Variants in IFT56 observed in about 807,000 individuals in gnomAD.
IFT56 encodes the protein intraflagellar transport 56.
the IFT56 span, among the ~76,000 whole-genome samples, chr7:139,141,937 G>T: frequency 1.3e-5 from 2 of 152,210 alleles, no homozygotes; most frequent in African/African-American, 4.8e-5. Flanking sequence ...CCACTGTTTG[G>T]TTTGGTATAT....
the IFT56 span, among the ~76,000 whole-genome samples, chr7:139,163,356 G>GA: frequency 1.4e-4 from 21 of 148,508 alleles, no homozygotes; most frequent in African/African-American, 5.2e-4. Flanking sequence ...AAAAAAAAAA[G>GA]AAAAAAAAGA....
At chr7:139,186,155 C>T in the IFT56 span, among the ~76,000 whole-genome samples, 3 of 150,596 alleles carry the variant, frequency 2.0e-5, no homozygotes, top group East Asian at 1.9e-4. Context: ...TGGCCAGGCG[C>T]GGTGGCTCAA....
chr7:139,172,845 ACTTC>A, the IFT56 span: 1 of 676,480 alleles, frequency 1.5e-6, no homozygotes, highest in Non-Finnish European at 2.8e-6. Flanking sequence ...CGAACACTGT[ACTTC>A]CTTCCTTGCT....
At chr7:139,134,626 C>A in the IFT56 span, 2 of 1,583,766 alleles carry the variant, frequency 1.3e-6, no homozygotes, top group Non-Finnish European at 1.7e-6. Flanking sequence ...CAGAATTGGA[C>A]CATACAGCTG....
At chr7:139,174,061 C>T in the IFT56 span, 2 of 608,068 alleles carry the variant, frequency 3.3e-6, no homozygotes, top group Admixed American at 3.8e-5. Context: ...AGGCAACCTG[C>T]AGCACTTCTT....
the IFT56 span, chr7:139,191,177 C>T: frequency 2.0e-4 from 30 of 152,172 alleles, no homozygotes; most frequent in Non-Finnish European, 7.3e-5. Context: ...GTTCAGAGCA[C>T]AAATCAAAAT....
the IFT56 span, chr7:139,161,286 A>G: frequency 5.2e-6 from 2 of 386,572 alleles, no homozygotes; most frequent in Admixed American, 8.8e-5. Context: ...TTTGAGAAAG[A>G]CAAAGGAACG....
chr7:139,187,552 G>A, the IFT56 span: 2 of 1,613,666 alleles, frequency 1.2e-6, no homozygotes, highest in Non-Finnish European at 1.7e-6. Context: ...AAGTAAACAG[G>A]CAAGAAATAC....
chr7:139,135,301 A>AAAAC, the IFT56 span, among the ~76,000 whole-genome samples: 1 of 141,600 alleles, frequency 7.1e-6, no homozygotes, highest in African/African-American at 2.9e-5. Flanking sequence ...AAAAAAAACA[A>AAAAC]AACAAAACTT....
At chr7:139,137,939 G>C in the IFT56 span, 1 of 1,604,946 alleles carries the variant, frequency 6.2e-7, no homozygotes. Flanking sequence ...GAGCTCTGGA[G>C]GTTAGTGTAA....
the IFT56 span, chr7:139,134,748 C>A: frequency 2.5e-6 from 4 of 1,613,888 alleles, no homozygotes; most frequent in South Asian, 4.4e-5. Flanking sequence ...ACTAGAGGAG[C>A]TACTTTCAAA....
the IFT56 span, chr7:139,189,288 GA>G: frequency 6.8e-7 from 1 of 1,462,446 alleles, no homozygotes; most frequent in East Asian, 2.3e-5. Context: ...ATTCTTCATT[GA>G]AACACTTTGT....
the IFT56 span, chr7:139,134,652 C>A: frequency 6.2e-7 from 1 of 1,602,610 alleles, no homozygotes; most frequent in Admixed American, 1.8e-5. Flanking sequence ...GTTTCTTTTA[C>A]AGATGCTTTC....
chr7:139,133,934 T>C, the IFT56 span: 1 of 1,579,098 alleles, frequency 6.3e-7, no homozygotes, highest in Middle Eastern at 1.7e-4. Flanking sequence ...CCCAGCACAC[T>C]TCTGTGTGAA....
At chr7:139,143,872 CAT>C in the IFT56 span, among the ~76,000 whole-genome samples, 1 of 151,986 alleles carries the variant, frequency 6.6e-6, no homozygotes, top group African/African-American at 2.4e-5. Flanking sequence ...GTTACCATAT[CAT>C]GTGTATTTTG....
chr7:139,155,084 T>C, the IFT56 span, among the ~76,000 whole-genome samples: 34 of 152,180 alleles, frequency 2.2e-4, no homozygotes, highest in African/African-American at 6.5e-4. Context: ...TTTGATGCTA[T>C]TGTAAATTAA....
the IFT56 span, among the ~76,000 whole-genome samples, chr7:139,160,123 A>T: frequency 1.5e-3 from 228 of 152,320 alleles, 5 homozygotes; most frequent in East Asian, 0.036. Context: ...ATAAAAAAAA[A>T]TTGCTGAGCA....
the IFT56 span, among the ~76,000 whole-genome samples, chr7:139,143,236 A>G: frequency 6.6e-6 from 1 of 152,178 alleles, no homozygotes; most frequent in Non-Finnish European, 1.5e-5. Flanking sequence ...AGAAAGTTTA[A>G]TCATCCACAG....
At chr7:139,160,884 T>G in the IFT56 span, 1 of 1,196,274 alleles carries the variant, frequency 8.4e-7, no homozygotes, top group Non-Finnish European at 1.2e-6. Flanking sequence ...AACCATTGTG[T>G]CAATATGTGG....
Sources: allele counts gnomAD v4.1 joint callset (sites outside exome capture counted in the v4.1 genomes callset), GRCh38; gene constraint gnomAD v4.1.1; transcripts MANE v1.5; gene names NCBI Gene and HGNC (gene_info 2026-07-23, HGNC 2026-07-21).